Variants in LGSN observed in about 807,000 individuals in gnomAD.
LGSN encodes lengsin.
A neutral mutation model predicts 19.5 loss-of-function variants in LGSN; 21 were observed. The ratio of observed to expected loss-of-function variants is 1.07; its 90% CI spans 0.76 to 1.55. The LOEUF is 1.55. Ranked by LOEUF, LGSN falls within the 40% of genes most tolerant of loss-of-function variation. The pLI is 0.00. For synonymous variants in LGSN, 257 were observed against 215.6 expected (o/e 1.19, Z -1.68); for missense variants, 673 against 608.5 (o/e 1.11, Z -1.12).
the LGSN span, among the ~76,000 whole-genome samples, chr6:63,536,443 A>G: frequency 6.6e-6 from 1 of 152,254 alleles, no homozygotes; most frequent in African/African-American, 2.4e-5. Flanking sequence ...AAGTTTAAGG[A>G]TATCCCATTA....
At chr6:63,430,462 C>A in the LGSN span, among the ~76,000 whole-genome samples, 1 of 152,092 alleles carries the variant, frequency 6.6e-6, no homozygotes, top group African/African-American at 2.4e-5. Flanking sequence ...AATCTTGGCT[C>A]ACTGCAACCT....
At chr6:63,570,828 C>T in the LGSN span, among the ~76,000 whole-genome samples, 1 of 152,192 alleles carries the variant, frequency 6.6e-6, no homozygotes, top group South Asian at 2.1e-4. Flanking sequence ...CCAATATTTC[C>T]CCCAGTGTGA....
At chr6:63,399,341 T>G in the LGSN span, among the ~76,000 whole-genome samples, 57 of 152,232 alleles carry the variant, frequency 3.7e-4, no homozygotes, top group African/African-American at 1.3e-3. Flanking sequence ...AATCACTTAA[T>G]GACACATTTC....
chr6:63,339,574 G>A, the LGSN span, among the ~76,000 whole-genome samples: 8 of 152,194 alleles, frequency 5.3e-5, no homozygotes, highest in Admixed American at 2.0e-4. Flanking sequence ...CTTCACAGGC[G>A]AAGTGAGTTT....
chr6:63,510,705 G>A, the LGSN span, among the ~76,000 whole-genome samples: 2 of 123,352 alleles, frequency 1.6e-5, no homozygotes, highest in South Asian at 2.5e-4. Flanking sequence ...ACAGAGTCTC[G>A]CTCTGTCACC....
chr6:63,353,958 A>G, the LGSN span, among the ~76,000 whole-genome samples: 2 of 152,158 alleles, frequency 1.3e-5, no homozygotes, highest in Non-Finnish European at 2.9e-5. Context: ...GAAGAATGAA[A>G]CTAGACCCCT....
At chr6:63,481,222 C>T in the LGSN span, among the ~76,000 whole-genome samples, 7 of 151,926 alleles carry the variant, frequency 4.6e-5, no homozygotes, top group Non-Finnish European at 1.0e-4. Flanking sequence ...TCAGAAGGGG[C>T]GGTGCTAGGA....
chr6:63,362,709 T>C, the LGSN span, among the ~76,000 whole-genome samples: 1 of 152,184 alleles, frequency 6.6e-6, no homozygotes, highest in Non-Finnish European at 1.5e-5. Context: ...AAGGTCGAAC[T>C]GGGTGGAGCC....
the LGSN span, among the ~76,000 whole-genome samples, chr6:63,431,911 A>C: frequency 1.3e-5 from 2 of 151,704 alleles, no homozygotes; most frequent in South Asian, 4.2e-4. Context: ...TACTGAAAAA[A>C]AAAAAAATGC....
the LGSN span, among the ~76,000 whole-genome samples, chr6:63,495,456 CTTTTTTTTTTT>C: frequency 1.3e-5 from 1 of 77,758 alleles, no homozygotes; most frequent in Non-Finnish European, 2.4e-5. Context: ...TTTTCTTTTT[CTTTTTTTTTTT>C]TTTTTTTTTG....
chr6:63,444,396 C>T, the LGSN span, among the ~76,000 whole-genome samples: 1 of 152,146 alleles, frequency 6.6e-6, no homozygotes, highest in Non-Finnish European at 1.5e-5. Context: ...GTGTGATAGA[C>T]TAAAATCATT....
At position 63,281,056 on chromosome 6, in the gene LGSN, A is replaced by G. The variant is rs1424580143; in HGVS notation, c.495T>C (p.Thr165=). 3.1e-6 allele frequency: 5 copies of G among 1,613,990 alleles called. No homozygotes were observed. In the East Asian group the frequency reaches 1.1e-4, roughly 36 times the overall value. The change falls in exon 4 of 4, where the codon ACT becomes ACC. Residue 165 remains threonine (T), a synonymous_variant. Transcript: ENST00000370657. ...TGAAGGTATCACATATCACTCTTGC[A>G]GTTCTGTCAGCCCATGGCAAAACTC... ...TFRVLPWADR[T]ARVICDTFTV...
chr6:63,505,110 A>G, the LGSN span, among the ~76,000 whole-genome samples: 2 of 151,390 alleles, frequency 1.3e-5, no homozygotes, highest in Non-Finnish European at 2.9e-5. Context: ...TTGGCTAGAA[A>G]GCCCACCTCA....
the LGSN span, among the ~76,000 whole-genome samples, chr6:63,559,917 G>A: frequency 3.3e-5 from 5 of 152,058 alleles, no homozygotes; most frequent in Non-Finnish European, 7.4e-5. Flanking sequence ...GTGATCCACC[G>A]TGCCTGGCCA....
At chr6:63,341,869 A>G in the LGSN span, among the ~76,000 whole-genome samples, 92 of 152,304 alleles carry the variant, frequency 6.0e-4, no homozygotes, top group Non-Finnish European at 1.2e-3. Flanking sequence ...CAAATGTCTA[A>G]CAATGCAGCC....
At chr6:63,286,774 C>T (rs1215556980) in intron 2 of LGSN, among the ~76,000 whole-genome samples, 1 of 152,224 alleles carries the variant, frequency 6.6e-6, no homozygotes. Context: ...ACCTCCCTTC[C>T]AATCCTGCCT....
chr6:63,547,185 G>A, the LGSN span, among the ~76,000 whole-genome samples: 2 of 150,172 alleles, frequency 1.3e-5, no homozygotes, highest in Non-Finnish European at 1.5e-5. Context: ...TAGTAGGGGG[G>A]AATTTTTTTT....
the LGSN span, among the ~76,000 whole-genome samples, chr6:63,520,769 T>G: frequency 6.6e-6 from 1 of 152,204 alleles, no homozygotes; most frequent in Non-Finnish European, 1.5e-5. Flanking sequence ...ATATGATTAG[T>G]GTCAGAGTTA....
the LGSN span, among the ~76,000 whole-genome samples, chr6:63,362,048 T>C: frequency 6.6e-6 from 1 of 152,222 alleles, no homozygotes; most frequent in Non-Finnish European, 1.5e-5. Flanking sequence ...CTTGATCTTG[T>C]CCCACTGGAA....
Sources: gnomAD v4.1 joint callset for allele counts (sites outside exome capture counted in the v4.1 genomes callset) on GRCh38, gnomAD v4.1.1 for gene constraint, MANE v1.5 for transcripts, NCBI Gene and HGNC (gene_info 2026-07-23, HGNC 2026-07-21) for gene names.